The following ME1 variants were observed in gnomAD, a reference collection of about 807,000 sequenced individuals.
ME1 encodes the protein NADP-dependent malic enzyme.
Under a neutral mutation model 66.4 loss-of-function variants are expected in ME1, and 74 were observed. That is an observed-to-expected ratio of 1.11 (90% confidence interval 0.92 to 1.35). The LOEUF (loss-of-function observed/expected upper bound fraction) is 1.35, where lower values mean the gene tolerates loss of function less well. Among genes scored for constraint, ME1 ranks in the 40% most tolerant of loss-of-function variants. The pLI is 0.00. For synonymous variants in ME1, 251 were observed against 235.6 expected, an observed-to-expected ratio of 1.07 and a Z score of -0.60; for missense variants, 750 against 694.1, an observed-to-expected ratio of 1.08 and a Z score of -0.90.
intron 6 of ME1, among the ~76,000 whole-genome samples, chr6:83,289,328 A>G (rs937445002): frequency 6.6e-6 from 1 of 152,210 alleles, no homozygotes; most frequent in Non-Finnish European, 1.5e-5. Context: ...TGTTCCATCA[A>G]TATCTAGTTT....
intron 6 of ME1, among the ~76,000 whole-genome samples, chr6:83,266,858 T>C (rs1766998334): frequency 6.6e-6 from 1 of 152,144 alleles, no homozygotes; most frequent in Non-Finnish European, 1.5e-5. Flanking sequence ...TCCTAACAAT[T>C]TTTAGGGACA....
chr6:83,234,329 T>C (rs1329459287), intron 9 of ME1, among the ~76,000 whole-genome samples: 4 of 152,202 alleles, frequency 2.6e-5, no homozygotes, highest in Non-Finnish European at 2.9e-5. Context: ...TACATGGTGA[T>C]GACCCCCAGA....
chr6:83,342,752 A>G (rs1768612958), intron 5 of ME1, among the ~76,000 whole-genome samples: 1 of 151,868 alleles, frequency 6.6e-6, no homozygotes, highest in Admixed American at 6.6e-5. Context: ...CAATGTTGTG[A>G]TCTCAGCTCA....
chr6:83,401,534 A>G (rs1769840797), intron 2 of ME1, among the ~76,000 whole-genome samples: 1 of 152,210 alleles, frequency 6.6e-6, no homozygotes, highest in African/African-American at 2.4e-5. Context: ...ATATAAAGTA[A>G]GGACACAAGC....
chr6:83,237,265 A>AAGAAAGAAAGAAAGAAAG (rs1562455211), intron 9 of ME1, among the ~76,000 whole-genome samples: 6 of 106,400 alleles, frequency 5.6e-5, no homozygotes, highest in Non-Finnish European at 5.8e-5. Flanking sequence ...GAAAGAAAGA[A>AAGAAAGAAAGAAAGAAAG]AGAAAGAAAG....
At chr6:83,234,551 T>C (rs945074719) in intron 9 of ME1, among the ~76,000 whole-genome samples, 11 of 152,140 alleles carry the variant, frequency 7.2e-5, no homozygotes, top group Admixed American at 7.2e-4. Flanking sequence ...TCCACCCTAT[T>C]CCTCCTTCCA....
At chr6:83,413,461 T>C (rs914169009) in intron 1 of ME1, among the ~76,000 whole-genome samples, 3 of 152,116 alleles carry the variant, frequency 2.0e-5, no homozygotes, top group Non-Finnish European at 4.4e-5. Flanking sequence ...TTGCAAATAA[T>C]ATAGTAGATC....
chr6:83,361,119 G>C (rs1769000073), intron 3 of ME1, among the ~76,000 whole-genome samples: 1 of 152,212 alleles, frequency 6.6e-6, no homozygotes, highest in Non-Finnish European at 1.5e-5. Flanking sequence ...ATGACATTAT[G>C]CTGATTGCAT....
At chr6:83,324,739 A>AAAAAC (rs1768253498) in intron 5 of ME1, among the ~76,000 whole-genome samples, 1 of 149,220 alleles carries the variant, frequency 6.7e-6, no homozygotes, top group African/African-American at 2.5e-5. Context: ...AAAAAAAAAA[A>AAAAAC]AGCCCAGGAC....
At chr6:83,258,385 T>C (rs1766821140) in intron 6 of ME1, among the ~76,000 whole-genome samples, 1 of 152,162 alleles carries the variant, frequency 6.6e-6, no homozygotes, top group South Asian at 2.1e-4. Flanking sequence ...GGATAATTAG[T>C]TCCAATTTGA....
In ME1 at chr6:83,212,346, A is replaced by G. The variant is rs184065887; in HGVS notation, c.1549-252T>C. Among the ~76,000 whole-genome samples the G allele has an allele frequency of 6.6e-5, 10 of 152,328 alleles. No individual in the cohort carries two copies. In the East Asian group the frequency reaches 1.7e-3, roughly 26 times the overall value. The stretch of plus-strand genomic sequence containing the variant: ...ACCAGGTGAGACTGATTCAAGTACT[A>G]TCACATCTGGATTTCTCAGAGAAGC... On this transcript the variant is annotated intron_variant, in intron 13 of 13. Coordinates refer to ENST00000369705, the MANE Select transcript of ME1 (RefSeq NM_002395.6).
chr6:83,383,494 T>C (rs181757937), intron 3 of ME1, among the ~76,000 whole-genome samples: 26 of 151,996 alleles, frequency 1.7e-4, no homozygotes, highest in African/African-American at 6.0e-4. Context: ...ACTGTTGTTC[T>C]GATAAACTCC....
At chr6:83,355,583 C>A (rs1246982174) in intron 3 of ME1, among the ~76,000 whole-genome samples, 2 of 151,982 alleles carry the variant, frequency 1.3e-5, no homozygotes, top group Non-Finnish European at 2.9e-5. Context: ...GAAGAGAGTT[C>A]AACAAATAAA....
intron 9 of ME1, among the ~76,000 whole-genome samples, chr6:83,231,524 T>C (rs1790306894): frequency 6.6e-6 from 1 of 152,194 alleles, no homozygotes; most frequent in Non-Finnish European, 1.5e-5. Flanking sequence ...CAAAATTGAC[T>C]TGATGACCTA....
At chr6:83,420,330 A>G (rs1253111994) in intron 1 of ME1, among the ~76,000 whole-genome samples, 2 of 152,102 alleles carry the variant, frequency 1.3e-5, no homozygotes, top group Non-Finnish European at 2.9e-5. Context: ...AGCCTCCCAA[A>G]GTGCTTGGAT....
chr6:83,376,794 C>T (rs565891942), intron 3 of ME1, among the ~76,000 whole-genome samples: 3 of 69,366 alleles, frequency 4.3e-5, no homozygotes, highest in Non-Finnish European at 9.2e-5. Flanking sequence ...CAGAACCAGA[C>T]CCTGTCTCAC....
rs1789920323 is a variant in ME1, at chr6:83,212,866, A to G, written c.1549-772T>C. On this transcript the variant is annotated intron_variant, in intron 13 of 13. Coordinates refer to ENST00000369705, the MANE Select transcript of ME1 (RefSeq NM_002395.6). Reference sequence around the variant, plus strand: ...CTGGAGAATCACATCATCATATCACATCATGGGAGAAAATTTCAACTACTC... The same window carrying G: ...CTGGAGAATCACATCATCATATCACGTCATGGGAGAAAATTTCAACTACTC... 2.6e-5 allele frequency among the ~76,000 whole-genome samples: 4 copies of G among 152,104 alleles called. No individual in the cohort carries two copies. In the South Asian group the frequency reaches 8.3e-4, roughly 32 times the overall value.
At chr6:83,405,369 T>C (rs1443793251) in intron 2 of ME1, among the ~76,000 whole-genome samples, 1 of 152,204 alleles carries the variant, frequency 6.6e-6, no homozygotes, top group Non-Finnish European at 1.5e-5. Flanking sequence ...ATCCTGAGAC[T>C]TTGCTGAAGT....
chr6:83,352,145 GAAAAAAAAA>G lies in ME1; in HGVS notation c.363-15_363-7del. 1 of 939,464 alleles carries G rather than the reference GAAAAAAAAA, an allele frequency of 1.1e-6. No homozygotes were observed. Among genetic ancestry groups the G allele is most frequent in the Non-Finnish European group, 1.4e-6 (1 of 720,982 alleles). 58.2% of individuals were successfully genotyped at this position (939,464 alleles called of 1,614,324 possible). A position where few individuals can be genotyped will look rare whatever the true frequency, so the allele number is the denominator to read the frequency against. ...GGATAGTAATAAAGAGACCTCTGCA[GAAAAAAAAA>G]AAAAAAAAGGAGTAGTTTACATTTA... is the stretch of plus-strand genomic sequence containing the variant. On this transcript the variant is annotated splice_region_variant and splice_polypyrimidine_tract_variant and intron_variant, in intron 3 of 13. Coordinates refer to ENST00000369705, the MANE Select transcript of ME1 (RefSeq NM_002395.6).
Sources: gnomAD v4.1 joint callset for allele counts (sites outside exome capture counted in the v4.1 genomes callset) on GRCh38, gnomAD v4.1.1 for gene constraint, MANE v1.5 for transcripts, NCBI Gene and HGNC (gene_info 2026-07-23, HGNC 2026-07-21) for gene names.